NRXN1: variants seen among roughly 807,000 people sequenced by gnomAD.
NRXN1 encodes neurexin 1.
Under a neutral mutation model 150.9 loss-of-function variants are expected in NRXN1, and 39 were observed. The ratio of observed to expected loss-of-function variants is 0.26; its 90% confidence interval spans 0.20 to 0.34. The LOEUF (loss-of-function observed/expected upper bound fraction) is 0.34, where lower values mean the gene tolerates loss of function less well. NRXN1 is among the 10% of genes least tolerant of loss of function. The probability of loss-of-function intolerance (pLI) is 1.00; values close to 1 mark genes in which losing one functional copy is unlikely to be tolerated. For missense variants in NRXN1, 1,815 were observed against 1,949.9 expected (o/e 0.93, Z 1.30); for synonymous variants, 924 against 757.0 (o/e 1.22, Z -3.62).
chr2:50,288,236 CT>C (rs1254332002), intron 17 of NRXN1, among the ~76,000 whole-genome samples: 1 of 152,038 alleles, frequency 6.6e-6, no homozygotes, highest in African/African-American at 2.4e-5. Context: ...GAAGATTTTA[CT>C]TCCAGGGACA....
intron 2 of NRXN1, among the ~76,000 whole-genome samples, chr2:50,995,654 G>A (rs192558472): frequency 6.6e-6 from 1 of 150,712 alleles, no homozygotes; most frequent in Non-Finnish European, 1.5e-5. Flanking sequence ...TCAGGGTACT[G>A]TATTTGAAGA....
intron 5 of NRXN1, among the ~76,000 whole-genome samples, chr2:50,721,280 T>C (rs1296498871): frequency 6.6e-6 from 1 of 152,068 alleles, no homozygotes; most frequent in Non-Finnish European, 1.5e-5. Context: ...CCTTGGCAGG[T>C]TGGATAATCT....
At chr2:50,938,273 T>C (rs1279344411) in intron 2 of NRXN1, among the ~76,000 whole-genome samples, 2 of 152,212 alleles carry the variant, frequency 1.3e-5, no homozygotes, top group Admixed American at 6.5e-5. Flanking sequence ...AAGGTATGTG[T>C]GCTCGATGGC....
chr2:50,715,288 T>C (rs1386736423), intron 5 of NRXN1, among the ~76,000 whole-genome samples: 1 of 152,122 alleles, frequency 6.6e-6, no homozygotes, highest in Non-Finnish European at 1.5e-5. Flanking sequence ...GATGTGAACA[T>C]GGGATTTCGG....
intron 22 of NRXN1, among the ~76,000 whole-genome samples, chr2:49,930,559 C>A (rs984338220): frequency 6.6e-6 from 1 of 152,250 alleles, no homozygotes; most frequent in South Asian, 2.1e-4. Context: ...TAAATAAATT[C>A]TCTCAACCGT....
intron 5 of NRXN1, among the ~76,000 whole-genome samples, chr2:50,689,824 CT>C (rs1471212277): frequency 6.6e-6 from 1 of 151,058 alleles, no homozygotes; most frequent in Non-Finnish European, 1.5e-5. Flanking sequence ...CCATTTGAGG[CT>C]TCCCATCAGC....
chr2:50,258,764 G>C (rs991967107), intron 17 of NRXN1, among the ~76,000 whole-genome samples: 12 of 152,128 alleles, frequency 7.9e-5, no homozygotes, highest in Admixed American at 1.3e-4. Flanking sequence ...AATAAGGCTT[G>C]AAAGTTGAAA....
At chr2:50,534,801 T>A (rs922670298) in intron 10 of NRXN1, among the ~76,000 whole-genome samples, 3 of 152,178 alleles carry the variant, frequency 2.0e-5, no homozygotes, top group Admixed American at 2.0e-4. Context: ...GAAATAATCA[T>A]ATTCTTCTGG....
At chr2:50,636,799 C>T (rs4539823) in intron 5 of NRXN1, among the ~76,000 whole-genome samples, 5 of 152,038 alleles carry the variant, frequency 3.3e-5, no homozygotes, top group Admixed American at 3.3e-4. Flanking sequence ...AAAACAATAC[C>T]TTCAATGGAT....
intron 5 of NRXN1, among the ~76,000 whole-genome samples, chr2:50,682,257 G>T (rs1690516647): frequency 6.6e-6 from 1 of 152,144 alleles, no homozygotes; most frequent in Non-Finnish European, 1.5e-5. Flanking sequence ...TGAGCAAGTA[G>T]CATCTCTTTA....
chr2:50,988,478 G>A (rs1432075686), intron 2 of NRXN1, among the ~76,000 whole-genome samples: 1 of 151,896 alleles, frequency 6.6e-6, no homozygotes, highest in Non-Finnish European at 1.5e-5. Flanking sequence ...AAACGAGAAT[G>A]CTGTCTAAAG....
intron 21 of NRXN1, among the ~76,000 whole-genome samples, chr2:49,990,324 C>A (rs985431219): frequency 6.6e-6 from 1 of 152,086 alleles, no homozygotes; most frequent in African/African-American, 2.4e-5. Context: ...TAAGAATGAT[C>A]TAAGAGCACA....
chr2:49,955,148 C>T (rs1471674348), intron 21 of NRXN1, among the ~76,000 whole-genome samples: 3 of 152,046 alleles, frequency 2.0e-5, no homozygotes, highest in Non-Finnish European at 4.4e-5. Context: ...TCTTGATGGT[C>T]ATCCACTCTA....
intron 17 of NRXN1, among the ~76,000 whole-genome samples, chr2:50,368,709 G>C (rs1047160321): frequency 6.6e-6 from 1 of 151,922 alleles, no homozygotes; most frequent in African/African-American, 2.4e-5. Context: ...TCATATAGAA[G>C]AGAAGTAGGC....
chr2:50,922,726 G>A (rs765998293), intron 3 of NRXN1, 39 bp from the exon 4 acceptor site: 1 of 1,605,258 alleles, frequency 6.2e-7, no homozygotes, highest in African/African-American at 1.3e-5. Context: ...AATAAACAAG[G>A]GAGCATGGGA....
intron 2 of NRXN1, among the ~76,000 whole-genome samples, chr2:50,938,518 G>C (rs953281340): frequency 6.6e-6 from 1 of 152,048 alleles, no homozygotes; most frequent in African/African-American, 2.4e-5. Flanking sequence ...CCGTTACCCA[G>C]TTCCAAAGTT....
At chr2:50,038,564 G>C (rs1227434154) in intron 21 of NRXN1, among the ~76,000 whole-genome samples, 2 of 152,116 alleles carry the variant, frequency 1.3e-5, no homozygotes, top group Non-Finnish European at 2.9e-5. Flanking sequence ...AGCCTCACAA[G>C]AGATACTGAG....
chr2:50,473,069 T>G (rs1276809848), intron 15 of NRXN1, among the ~76,000 whole-genome samples: 1 of 151,860 alleles, frequency 6.6e-6, no homozygotes, highest in African/African-American at 2.4e-5. Context: ...TTCTTGTATC[T>G]AAAGTCACTT....
rs369272975 is a variant in NRXN1 at position 50,465,719 on chromosome 2, G to C, written c.3245-158C>G. On this transcript the variant is annotated intron_variant, in intron 16 of 22. Coordinates refer to ENST00000401669, the MANE Select transcript of NRXN1 (RefSeq NM_001330078.2). ...CACACACCTGAATTAGGAACTGAGA[G>C]GCTGTAATATGAAGGTTTTCTTAAG... 1.6e-4 allele frequency among the ~76,000 whole-genome samples: 24 copies of C among 151,984 alleles called. No individual in the cohort carries two copies. In the East Asian group the frequency reaches 3.3e-3, roughly 21 times the overall value.
Sources: allele counts gnomAD v4.1 joint callset (sites outside exome capture counted in the v4.1 genomes callset), GRCh38; gene constraint gnomAD v4.1.1; transcripts MANE v1.5; gene names NCBI Gene and HGNC (gene_info 2026-07-23, HGNC 2026-07-21).